SCRIB: variants seen among roughly 807,000 people sequenced by gnomAD.
SCRIB encodes the protein scribble planar cell polarity protein, also known as protein scribble homolog.
SCRIB carries 72 observed loss-of-function variants against 170.0 expected under a neutral mutation model. The observed-to-expected ratio is 0.42, with a 90% CI of 0.35 to 0.52. The LOEUF (loss-of-function observed/expected upper bound fraction) is 0.52, where lower values mean the gene tolerates loss of function less well. Ranked by LOEUF, SCRIB falls within the 20% of genes least tolerant of loss-of-function variation. The pLI is 0.02. For synonymous variants in SCRIB, 1,298 were observed against 1,044.3 expected, an observed-to-expected ratio of 1.24 and a Z score of -4.68; for missense variants, 2,475 against 2,338.5, an observed-to-expected ratio of 1.06 and a Z score of -1.20.
In SCRIB at chr8:143,791,657, GC is replaced by G. The variant is rs782103174; in HGVS notation, c.4770+8del. The G allele has an allele frequency of 5.0e-4, 809 of 1,602,062 alleles. No individual in the cohort carries two copies. Among genetic ancestry groups the G allele is most frequent in the Non-Finnish European group, 6.8e-4 (792 of 1,170,900 alleles). On this transcript the variant is annotated splice_region_variant and intron_variant, in intron 35 of 36. Coordinates refer to ENST00000356994, the MANE Select transcript of SCRIB (RefSeq NM_182706.5). The stretch of plus-strand genomic sequence containing the variant: ...GTGGCAGGCATGCAGAGGCCTGGAG[GC>G]CAGGTACCTGGATGTCATAGACAGG...
chr8:143,802,819 C>T (rs1554635227), intron 24 of SCRIB, among the ~76,000 whole-genome samples: 1 of 152,252 alleles, frequency 6.6e-6, no homozygotes, highest in East Asian at 1.9e-4. Context: ...CCCGTCTGGG[C>T]TTCTGCTCTG....
chr8:143,795,672 G>A (rs1814914947), intron 24 of SCRIB, 142 bp from the exon 25 acceptor site: 4 of 713,622 alleles, frequency 5.6e-6, no homozygotes, highest in Non-Finnish European at 9.7e-6. Flanking sequence ...CGCGTGGCTG[G>A]GGCAGCCTTG....
In SCRIB at chr8:143,791,379, C is replaced by T. The variant is rs201700942; in HGVS notation, c.4822+10G>A. ...TCCTGGGAGCTCACCCCAGCCCGGC[C>T]CCAACTCACCAGGGCTGGGAGATGG... On this transcript the variant is annotated intron_variant, in intron 36 of 36. Coordinates refer to ENST00000356994, the MANE Select transcript of SCRIB (RefSeq NM_182706.5). The T allele has an allele frequency of 8.1e-6, 13 of 1,607,998 alleles. No homozygotes were observed. Among genetic ancestry groups the T allele is most frequent in the Non-Finnish European group, 1.1e-5 (13 of 1,177,948 alleles).
rs564257311 is a variant in SCRIB at position 143,805,037 on chromosome 8, C to T, written c.2671-23G>A. The T allele has an allele frequency of 6.6e-5, 104 of 1,582,958 alleles. 1 individual carries two copies. The South Asian group carries it at 1.2e-3, about 18-fold the overall frequency. Reference sequence around the variant, plus strand: ...GCCCTGCAGGGGAGGGTGGAGGAGGCAGGGCTGCCGGTGAGGCTGGAGTGC... The same window carrying T: ...GCCCTGCAGGGGAGGGTGGAGGAGGTAGGGCTGCCGGTGAGGCTGGAGTGC... On this transcript the variant is annotated intron_variant, in intron 19 of 36. Transcript: ENST00000356994.
At chr8:143,808,038 T>C (rs1286461494) in intron 15 of SCRIB, among the ~76,000 whole-genome samples, 1 of 152,184 alleles carries the variant, frequency 6.6e-6, no homozygotes, top group African/African-American at 2.4e-5. Context: ...CGAAGGCCTG[T>C]GTGGCACCTC....
At chr8:143,793,183 G>A (rs1258611534) in intron 28 of SCRIB, 100 bp from the exon 29 acceptor site, 8 of 641,942 alleles carry the variant, frequency 1.2e-5, no homozygotes, top group Admixed American at 7.4e-5. Flanking sequence ...CCCCCCGCCT[G>A]CCTTTGATCC....
At chr8:143,791,503 G>T (rs373434132) in intron 35 of SCRIB, 63 bp from the exon 36 acceptor site, 5 of 1,595,186 alleles carry the variant, frequency 3.1e-6, no homozygotes, top group Admixed American at 3.5e-5. Context: ...CCAGGTGGAC[G>T]GGTGGGCTCC....
chr8:143,810,871 C>T lies in SCRIB; in HGVS notation c.1273+35G>A, dbSNP rs375386102. 1.1e-4 allele frequency: 170 copies of T among 1,608,502 alleles called. 1 individual carries two copies. Among genetic ancestry groups the T allele is most frequent in the South Asian group, 3.3e-4 (30 of 91,024 alleles). The stretch of plus-strand genomic sequence containing the variant: ...TAGTCCCCAAACCCTGCCTGAGAGC[C>T]ACCCCGCGCTAAGCACCGGTTGCCA... On this transcript the variant is annotated intron_variant, in intron 11 of 36. Coordinates refer to ENST00000356994, the MANE Select transcript of SCRIB (RefSeq NM_182706.5).
At chr8:143,800,667 G>A (rs924927483) in intron 24 of SCRIB, among the ~76,000 whole-genome samples, 29 of 152,248 alleles carry the variant, frequency 1.9e-4, no homozygotes, top group Non-Finnish European at 4.1e-4. Context: ...TTGAGCCCAG[G>A]AGCTGAAGAC....
In SCRIB at chr8:143,815,414, G is replaced by T. The variant is rs750194223; in HGVS notation, c.-42C>A. On this transcript the variant is annotated 5_prime_UTR_variant, in exon 1 of 37. Transcript: ENST00000356994. ...GCGGGCTCCGGCGGCGGCGCTCGGC[G>T]GGCTCGGGGCCGGGGGGCGGGGCTC... 1.6e-5 allele frequency: 20 copies of T among 1,251,266 alleles called. No homozygotes were observed. The highest frequency in any genetic ancestry group is 2.0e-5 in the Non-Finnish European group (20 of 994,960). 77.5% of individuals were successfully genotyped at this position (1,251,266 alleles called of 1,614,324 possible).
chr8:143,804,792 C>T lies in SCRIB; in HGVS notation c.2785G>A (p.Asp929Asn). The T allele has an allele frequency of 1.9e-6, 3 of 1,598,588 alleles. No individual in the cohort carries two copies. Among genetic ancestry groups the T allele is most frequent in the Non-Finnish European group, 2.6e-6 (3 of 1,176,322 alleles). ...NGVDVTEARH[D>N]HAVSLLTAAS... ...GCGGTCAGCAGGGAGACGGCGTGGT[C>T]ATGCCTGGCCTCAGTCACGTCCACT... The change falls in exon 21 of 37, where the codon GAC (aspartate) becomes AAC (asparagine). Residue 929 changes from aspartate to asparagine, a missense_variant. Transcript: ENST00000356994.
At chr8:143,802,463 GC>G (rs1815214835) in intron 24 of SCRIB, among the ~76,000 whole-genome samples, 2 of 152,232 alleles carry the variant, frequency 1.3e-5, no homozygotes, top group Admixed American at 1.3e-4. Flanking sequence ...ACAGCCACCT[GC>G]CCCCTGTGGA....
At chr8:143,804,526 G>A (rs1815321848) in intron 21 of SCRIB, 42 bp downstream of exon 21, 42 of 1,482,608 alleles carry the variant, frequency 2.8e-5, no homozygotes, top group Non-Finnish European at 3.7e-5. Flanking sequence ...AGTGCCCACA[G>A]CTGAAGCTGG....
At chr8:143,794,269 G>C (rs1428944210) in intron 27 of SCRIB, 2 of 392,982 alleles carry the variant, frequency 5.1e-6, no homozygotes, top group African/African-American at 4.0e-5. Flanking sequence ...CGGGGGAGGG[G>C]CCAGAGACAG....
chr8:143,815,274 G>C lies in SCRIB; in HGVS notation c.99C>G (p.Arg33=). The stretch of plus-strand genomic sequence containing the variant: ...GCAGCTCCTCCAGGCTGCGGCTGTA[G>C]CGGTAGATCTCCTCCGGCACGGCCT... The part of the protein sequence containing the change: ...SLQAVPEEIY[R]YSRSLEELLL... Residue 33 remains arginine (R), a synonymous_variant, in exon 1 of 37, where the codon CGC becomes CGG. Transcript: ENST00000356994. 1 of 1,597,612 alleles carries C rather than the reference G, an allele frequency of 6.3e-7. No homozygotes were observed. Among genetic ancestry groups the C allele is most frequent in the East Asian group, 2.3e-5 (1 of 43,214 alleles).
chr8:143,803,366 G>C lies in SCRIB; in HGVS notation c.3603+17C>G. 1 of 1,543,378 alleles carries C rather than the reference G, an allele frequency of 6.5e-7. No homozygotes were observed. The highest frequency in any genetic ancestry group is 2.3e-5 in the East Asian group (1 of 42,578). On this transcript the variant is annotated intron_variant, in intron 24 of 36. Coordinates refer to ENST00000356994, the MANE Select transcript of SCRIB (RefSeq NM_182706.5). Reference sequence around the variant, plus strand: ...TGGGCCAGAGGGAGGCCCGGTCCCCGGGGCGGGATCGCTAACCTCCAGGGC... The same window carrying C: ...TGGGCCAGAGGGAGGCCCGGTCCCCCGGGCGGGATCGCTAACCTCCAGGGC...
chr8:143,807,004 T>C lies in SCRIB; in HGVS notation c.2188A>G (p.Thr730Ala), dbSNP rs1554636768. ...AGGCCCCCAGTCTGCCGCAGGATAG[T>C]GAGGGTCAGCTGGAAACAGAACAGA... ...ARIEEEELTL[T>A]ILRQTGGLGI... The change falls in exon 17 of 37, where the codon ACT becomes GCT. Residue 730 changes from threonine (T) to alanine (A), a missense_variant. Physicochemically the swap from Thr to Ala is moderately conservative, Grantham distance 58. This residue lies in a region of SCRIB where 1,966 missense variants were observed against 1,742.9 expected (regional missense o/e 1.13). Coordinates refer to ENST00000356994, the MANE Select transcript of SCRIB (RefSeq NM_182706.5). The C allele has an allele frequency of 6.2e-7, 1 of 1,611,160 alleles. No homozygotes were observed. The highest frequency in any genetic ancestry group is 8.5e-7 in the Non-Finnish European group (1 of 1,178,640).
intron 1 of SCRIB, 86 bp from the exon 2 acceptor site, chr8:143,814,204 A>G: frequency 8.9e-7 from 1 of 1,125,454 alleles, no homozygotes; most frequent in East Asian, 2.6e-5. Context: ...TCACAAGTCA[A>G]GAGTCCCTAG....
At chr8:143,794,535 C>T (rs1475840163) in intron 27 of SCRIB, among the ~76,000 whole-genome samples, 9 of 152,150 alleles carry the variant, frequency 5.9e-5, no homozygotes, top group African/African-American at 2.2e-4. Flanking sequence ...GGAGCCACCC[C>T]TCGGCACTCA....
Sources: gnomAD v4.1 joint callset for allele counts (sites outside exome capture counted in the v4.1 genomes callset) on GRCh38, gnomAD v4.1.1 for gene constraint, gnomAD v4.1.1 regional missense constraint, MANE v1.5 for transcripts, NCBI Gene and HGNC (gene_info 2026-07-23, HGNC 2026-07-21) for gene names.